The following STAB2 variants were observed in gnomAD, a reference collection of about 807,000 sequenced individuals.
STAB2 encodes the protein stabilin-2.
In STAB2, 288 loss-of-function variants were observed where a neutral mutation model predicts 338.1. The observed-to-expected ratio is 0.85, with a 90% CI of 0.77 to 0.94. The LOEUF is 0.94. Among genes scored for constraint, STAB2 ranks in the 40% least tolerant of loss-of-function variants. The probability of loss-of-function intolerance (pLI) is 0.00; values close to 1 mark genes in which losing one functional copy is unlikely to be tolerated. For synonymous variants in STAB2, 1,202 were observed against 1,193.3 expected (o/e 1.01, Z -0.15); for missense variants, 3,141 against 3,210.1 (o/e 0.98, Z 0.52).
rs1593184942 is a variant in STAB2 at position 103,652,767 on chromosome 12, C to T, written c.1407+62C>T. ...TTATCCACCAAGCCAATGCCCATAT[C>T]CTTCTCTCTCTTTTTGTTTGGGGTT... On this transcript the variant is annotated intron_variant, in intron 12 of 68. Transcript: ENST00000388887. 3 of 1,440,224 alleles carry T rather than the reference C, an allele frequency of 2.1e-6. No homozygotes were observed. In the East Asian group the frequency reaches 7.6e-5, roughly 36 times the overall value. The allele number at this position is 1,440,224 out of a possible 1,614,324, so 89.2% of individuals were successfully genotyped here.
At chr12:103,592,513 T>C (rs1328044174) in intron 2 of STAB2, among the ~76,000 whole-genome samples, 1 of 152,212 alleles carries the variant, frequency 6.6e-6, no homozygotes, top group Non-Finnish European at 1.5e-5. Context: ...TTGGTTCTTT[T>C]GTTTTATGTT....
intron 21 of STAB2, 91 bp downstream of exon 21, chr12:103,669,718 T>G: frequency 8.5e-7 from 1 of 1,170,514 alleles, no homozygotes; most frequent in Non-Finnish European, 1.2e-6. Context: ...CCAGCTACTC[T>G]TCCCAGGAAG....
chr12:103,720,413 T>C (rs1192732115), intron 44 of STAB2, among the ~76,000 whole-genome samples: 2 of 152,202 alleles, frequency 1.3e-5, no homozygotes, highest in Admixed American at 6.5e-5. Context: ...CAAATCATAT[T>C]GCTGCTCTAA....
At position 103,727,309 on chromosome 12, in the gene STAB2, G is replaced by A. The variant is rs777794619; in HGVS notation, c.4894G>A (p.Val1632Ile). The A allele has an allele frequency of 2.5e-6, 4 of 1,614,138 alleles. No individual in the cohort carries two copies. The highest frequency in any genetic ancestry group is 3.3e-5 in the Admixed American group (2 of 60,012). ...KDLVGPGPFTVFAPLSAAFDE... is the reference protein window; with the variant it reads ...KDLVGPGPFTIFAPLSAAFDE... ...TCTGGTCGGCCCAGGCCCCTTCACT[G>A]TTTTTGCACCTTTATCTGCAGCCTT... The change falls in exon 47 of 69, where the codon GTT becomes ATT. Residue 1632 changes from valine (V) to isoleucine (I), a missense_variant. Coordinates refer to ENST00000388887, the MANE Select transcript of STAB2 (RefSeq NM_017564.10).
intron 5 of STAB2, among the ~76,000 whole-genome samples, chr12:103,630,435 A>G (rs1042868493): frequency 6.6e-6 from 1 of 152,252 alleles, no homozygotes; most frequent in Non-Finnish European, 1.5e-5. Context: ...ACGTGCACCG[A>G]AGACACGTGT....
intron 56 of STAB2, among the ~76,000 whole-genome samples, chr12:103,744,566 A>G (rs908211527): frequency 2.0e-5 from 3 of 151,334 alleles, no homozygotes; most frequent in Non-Finnish European, 4.4e-5. Flanking sequence ...TCTTGGGCTC[A>G]AGCAGTCCTC....
intron 26 of STAB2, among the ~76,000 whole-genome samples, chr12:103,684,364 A>G (rs948821710): frequency 1.3e-5 from 2 of 152,146 alleles, no homozygotes; most frequent in African/African-American, 4.8e-5. Flanking sequence ...CCCCTAGTAC[A>G]TGTGCAGGGT....
intron 63 of STAB2, chr12:103,757,888 G>C (rs1324222618): frequency 2.3e-6 from 1 of 433,300 alleles, no homozygotes; most frequent in Non-Finnish European, 4.3e-6. Context: ...AGGATTTTGA[G>C]AAGACTCGAG....
At chr12:103,745,390 G>T in intron 57 of STAB2, 113 bp downstream of exon 57, 1 of 906,358 alleles carries the variant, frequency 1.1e-6, no homozygotes, top group Middle Eastern at 3.4e-4. Flanking sequence ...TGACAAAGCA[G>T]GTCCATGTGG....
intron 34 of STAB2, 129 bp from the exon 35 acceptor site, chr12:103,703,019 A>G: frequency 9.3e-7 from 1 of 1,073,240 alleles, no homozygotes; most frequent in Non-Finnish European, 1.3e-6. Flanking sequence ...AATACAAGTG[A>G]CTATTATATC....
chr12:103,764,520 C>T (rs998016505), intron 68 of STAB2, among the ~76,000 whole-genome samples: 2 of 152,170 alleles, frequency 1.3e-5, no homozygotes, highest in African/African-American at 4.8e-5. Flanking sequence ...TGTGGAAGTA[C>T]ATCCTGCCTG....
chr12:103,619,510 C>G (rs1318425728), intron 3 of STAB2, among the ~76,000 whole-genome samples: 1 of 152,054 alleles, frequency 6.6e-6, no homozygotes, highest in Non-Finnish European at 1.5e-5. Context: ...AGCTAAATGT[C>G]CCCCTGCCCC....
chr12:103,682,707 T>C (rs1474894871), intron 25 of STAB2, among the ~76,000 whole-genome samples: 1 of 152,064 alleles, frequency 6.6e-6, no homozygotes, highest in Non-Finnish European at 1.5e-5. Context: ...CCTAGCACTT[T>C]GGGAGGCCGA....
Position 103,753,311 on chromosome 12 carries a change from T to C in STAB2, c.6672T>C (p.Ala2224=). The part of the protein sequence containing the change: ...DKAREACANE[A]ATMATYNQLS... ...CCAGAGAGGCCTGTGCCAACGAAGC[T>C]GCGACCATGGCAACCTACAACCAGC... The change falls in exon 61 of 69, where the codon GCT becomes GCC. Residue 2224 remains alanine (A), a synonymous_variant. Coordinates refer to ENST00000388887, the MANE Select transcript of STAB2 (RefSeq NM_017564.10). 1 of 1,614,256 alleles carries C rather than the reference T, an allele frequency of 6.2e-7. No individual in the cohort carries two copies. The highest frequency in any genetic ancestry group is 8.5e-7 in the Non-Finnish European group (1 of 1,180,040).
intron 34 of STAB2, among the ~76,000 whole-genome samples, chr12:103,701,577 T>A (rs1184708794): frequency 6.6e-6 from 1 of 152,230 alleles, no homozygotes; most frequent in Non-Finnish European, 1.5e-5. Flanking sequence ...AGAATGGAAA[T>A]AATTTAGACT....
intron 19 of STAB2, among the ~76,000 whole-genome samples, chr12:103,667,263 GATGCTGTCAAGCA>G (rs1875197408): frequency 6.6e-6 from 1 of 152,174 alleles, no homozygotes; most frequent in African/African-American, 2.4e-5. Context: ...AGTCCTTCAG[GATGCTGTCAAGCA>G]GGGAATGTGA....
intron 68 of STAB2, 68 bp from the exon 69 acceptor site, chr12:103,766,218 A>C: frequency 6.3e-7 from 1 of 1,599,480 alleles, no homozygotes. Context: ...ACCAGTGGCC[A>C]CCAGAAAGAT....
chr12:103,720,307 T>G (rs1880660014), intron 44 of STAB2, among the ~76,000 whole-genome samples: 1 of 152,184 alleles, frequency 6.6e-6, no homozygotes, highest in Non-Finnish European at 1.5e-5. Context: ...CTACTCTATC[T>G]CAGCAGCATA....
intron 5 of STAB2, among the ~76,000 whole-genome samples, chr12:103,625,853 T>A (rs1180836858): frequency 3.9e-5 from 6 of 152,206 alleles, no homozygotes; most frequent in Non-Finnish European, 8.8e-5. Context: ...GCATGATTTA[T>A]AATCCTCTGG....
Sources: gnomAD v4.1 joint callset for allele counts (sites outside exome capture counted in the v4.1 genomes callset) on GRCh38, gnomAD v4.1.1 for gene constraint, MANE v1.5 for transcripts, NCBI Gene and HGNC (gene_info 2026-07-23, HGNC 2026-07-21) for gene names.